CPA6: variants seen among roughly 807,000 people sequenced by gnomAD.
The protein encoded by CPA6 is carboxypeptidase B.
Under a neutral mutation model 63.3 loss-of-function variants are expected in CPA6, and 58 were observed. That is an observed-to-expected ratio of 0.92 (90% CI 0.74 to 1.14). The LOEUF is 1.14. Ranked by LOEUF, CPA6 falls within the 50% of genes most tolerant of loss-of-function variation. The probability of loss-of-function intolerance (pLI) is 0.00; values close to 1 mark genes in which losing one functional copy is unlikely to be tolerated. For missense variants in CPA6, 565 were observed against 526.6 expected (o/e 1.07, Z -0.71); for synonymous variants, 185 against 179.0 (o/e 1.03, Z -0.27).
At chr8:67,672,409 A>AT (rs143149347) in intron 1 of CPA6, among the ~76,000 whole-genome samples, 3 of 151,702 alleles carry the variant, frequency 2.0e-5, no homozygotes, top group Non-Finnish European at 4.4e-5. Flanking sequence ...TCCTCTTCCC[A>AT]TTTTTTCCCC....
chr8:67,663,634 C>A (rs1048510766), intron 1 of CPA6, among the ~76,000 whole-genome samples: 1 of 152,100 alleles, frequency 6.6e-6, no homozygotes, highest in Non-Finnish European at 1.5e-5. Flanking sequence ...TTGGTTTTCT[C>A]TTCCCGCGTT....
At chr8:67,564,129 G>A (rs576143406) in intron 2 of CPA6, among the ~76,000 whole-genome samples, 12 of 152,284 alleles carry the variant, frequency 7.9e-5, no homozygotes, top group Non-Finnish European at 1.5e-4. Context: ...GCTTAGCATT[G>A]CAAAAATGAC....
chr8:67,508,268 C>T (rs1384375132), intron 5 of CPA6, among the ~76,000 whole-genome samples: 1 of 151,904 alleles, frequency 6.6e-6, no homozygotes, highest in African/African-American at 2.4e-5. Flanking sequence ...AAAAAATGGT[C>T]AGCTTTTGGT....
intron 2 of CPA6, among the ~76,000 whole-genome samples, chr8:67,581,895 CA>C: frequency 6.6e-6 from 1 of 152,108 alleles, no homozygotes; most frequent in South Asian, 2.1e-4. Flanking sequence ...CATAAGCAAA[CA>C]AAAAGTACCA....
chr8:67,676,533 G>A (rs1816478252), intron 1 of CPA6, among the ~76,000 whole-genome samples: 1 of 152,124 alleles, frequency 6.6e-6, no homozygotes, highest in African/African-American at 2.4e-5. Context: ...TTGGGAAGAG[G>A]GTTACTGCAT....
chr8:67,576,027 A>C (rs972604698), intron 2 of CPA6, among the ~76,000 whole-genome samples: 3 of 152,214 alleles, frequency 2.0e-5, no homozygotes, highest in Non-Finnish European at 4.4e-5. Context: ...TGGTTACCAG[A>C]GGCTGAAGTT....
intron 8 of CPA6, among the ~76,000 whole-genome samples, chr8:67,450,180 C>T (rs1268384653): frequency 6.6e-6 from 1 of 152,078 alleles, no homozygotes; most frequent in Non-Finnish European, 1.5e-5. Context: ...AAATATAACC[C>T]ATTCAATAAA....
intron 1 of CPA6, among the ~76,000 whole-genome samples, chr8:67,733,951 T>C (rs1817764705): frequency 1.3e-5 from 2 of 148,408 alleles, no homozygotes; most frequent in Non-Finnish European, 3.0e-5. Context: ...CATGGCTCAC[T>C]GCAGCTTCAT....
chr8:67,482,222 A>G (rs1811374461), intron 8 of CPA6, among the ~76,000 whole-genome samples: 2 of 152,258 alleles, frequency 1.3e-5, no homozygotes, highest in Admixed American at 1.3e-4. Flanking sequence ...TACTCAGCTC[A>G]ATTACCCATC....
chr8:67,690,865 G>T (rs1816800823), intron 1 of CPA6, among the ~76,000 whole-genome samples: 2 of 152,160 alleles, frequency 1.3e-5, no homozygotes, highest in Admixed American at 1.3e-4. Flanking sequence ...AAATGCCAAT[G>T]AATACAAACT....
intron 2 of CPA6, among the ~76,000 whole-genome samples, chr8:67,616,209 G>T (rs1171261651): frequency 6.6e-6 from 1 of 152,174 alleles, no homozygotes; most frequent in Non-Finnish European, 1.5e-5. Context: ...TTTATAAAAA[G>T]CTTCCTATGT....
intron 1 of CPA6, among the ~76,000 whole-genome samples, chr8:67,627,491 C>A (rs1815219641): frequency 2.0e-5 from 3 of 152,154 alleles, no homozygotes; most frequent in Non-Finnish European, 2.9e-5. Context: ...CAACTTAAGA[C>A]CCTTTGGCTA....
chr8:67,484,108 C>T (rs1350826419), intron 7 of CPA6, among the ~76,000 whole-genome samples: 2 of 151,342 alleles, frequency 1.3e-5, no homozygotes, highest in South Asian at 2.1e-4. Context: ...CTCGCTCTAT[C>T]GCCCTGGCTG....
At chr8:67,496,818 C>G (rs1436427701) in intron 6 of CPA6, among the ~76,000 whole-genome samples, 1 of 151,846 alleles carries the variant, frequency 6.6e-6, no homozygotes, top group Non-Finnish European at 1.5e-5. Flanking sequence ...CTTGGCCTCC[C>G]AAAGTGCTGG....
intron 2 of CPA6, among the ~76,000 whole-genome samples, chr8:67,598,845 A>G (rs1814415441): frequency 6.6e-6 from 1 of 152,174 alleles, no homozygotes; most frequent in Admixed American, 6.5e-5. Context: ...TTTATCATGT[A>G]TATAACTATA....
At chr8:67,603,589 G>C (rs910226545) in intron 2 of CPA6, among the ~76,000 whole-genome samples, 1 of 152,140 alleles carries the variant, frequency 6.6e-6, no homozygotes, top group Non-Finnish European at 1.5e-5. Flanking sequence ...TGGATTCTTT[G>C]AATAGTATTG....
chr8:67,740,807 T>C (rs564029109), intron 1 of CPA6, among the ~76,000 whole-genome samples: 1 of 152,242 alleles, frequency 6.6e-6, no homozygotes, highest in African/African-American at 2.4e-5. Flanking sequence ...TGACCTCAGG[T>C]GATCCACCTG....
At chr8:67,554,045 T>C (rs1813006538) in intron 2 of CPA6, among the ~76,000 whole-genome samples, 1 of 152,154 alleles carries the variant, frequency 6.6e-6, no homozygotes, top group South Asian at 2.1e-4. Flanking sequence ...ATAAATATTT[T>C]AGTAAAGGTT....
intron 8 of CPA6, among the ~76,000 whole-genome samples, chr8:67,435,627 C>CGT (rs1810133830): frequency 7.6e-6 from 1 of 131,014 alleles, no homozygotes; most frequent in Non-Finnish European, 1.6e-5. Context: ...TGTGTGCGTG[C>CGT]ATGTGTGTGT....
Sources: allele counts gnomAD v4.1 joint callset (sites outside exome capture counted in the v4.1 genomes callset), GRCh38; gene constraint gnomAD v4.1.1; transcripts MANE v1.5; gene names NCBI Gene and HGNC (gene_info 2026-07-23, HGNC 2026-07-21).